The following MAN1A2 variants were observed in gnomAD, a reference collection of about 807,000 sequenced individuals.
The protein encoded by MAN1A2 is mannosyl-oligosaccharide 1,2-alpha-mannosidase IB.
In MAN1A2, 26 loss-of-function variants were observed where a neutral mutation model predicts 75.7. The observed-to-expected ratio is 0.34, with a 90% confidence interval of 0.25 to 0.48. MAN1A2 has a LOEUF of 0.48. Ranked by LOEUF, MAN1A2 falls within the 20% of genes least tolerant of loss-of-function variation. The pLI is 0.99. For synonymous variants in MAN1A2, 247 were observed against 264.6 expected (o/e 0.93, Z 0.65); for missense variants, 562 against 775.5 (o/e 0.72, Z 3.27).
Position 117,374,311 on chromosome 1 carries a change from CTGGTTTGGGCTGACTCCACATATTTCT to C in MAN1A2, c.302+5830_302+5856del, listed in dbSNP as rs1330230645. Among the ~76,000 whole-genome samples the C allele has an allele frequency of 5.9e-5, 9 of 152,268 alleles. 1 individual carries two copies. The highest frequency in any genetic ancestry group is 3.9e-4 in the Admixed American group (6 of 15,302). ...CTGCCTCTTTAAAAAAAATTAACTT[CTGGTTTGGGCTGACTCCACATATTTCT>C]TGGATAGGAAAATCATATTGCTACT... On this transcript the variant is annotated intron_variant, in intron 1 of 12. Transcript: ENST00000356554.
chr1:117,510,829 C>G (rs966665540), intron 12 of MAN1A2, among the ~76,000 whole-genome samples: 4 of 151,978 alleles, frequency 2.6e-5, no homozygotes, highest in Admixed American at 2.0e-4. Context: ...TCACTCTCCC[C>G]CTAACTTATA....
intron 6 of MAN1A2, among the ~76,000 whole-genome samples, chr1:117,454,884 A>G (rs1649531262): frequency 6.6e-6 from 1 of 152,102 alleles, no homozygotes; most frequent in Non-Finnish European, 1.5e-5. Flanking sequence ...CTACTGTGGG[A>G]AGGTTAATGG....
In MAN1A2 at chr1:117,523,813, G is replaced by T. The variant is rs1310479586; in HGVS notation, c.*856G>T. 1 of 151,714 alleles carries T rather than the reference G, an allele frequency of 6.6e-6. No homozygotes were observed. The highest frequency in any genetic ancestry group is 1.5e-5 in the Non-Finnish European group (1 of 67,798). 9.4% of individuals were successfully genotyped at this position (151,714 alleles called of 1,614,324 possible). On this transcript the variant is annotated 3_prime_UTR_variant, in exon 13 of 13. Transcript: ENST00000356554. Reference sequence around the variant, plus strand: ...AAACCTAAGAGCAATCCTTGGTTTTGTTGCTACATTATTTTTCCAGACCAA... The same window carrying T: ...AAACCTAAGAGCAATCCTTGGTTTTTTTGCTACATTATTTTTCCAGACCAA...
intron 5 of MAN1A2, among the ~76,000 whole-genome samples, chr1:117,440,809 A>G (rs906512848): frequency 1.1e-4 from 17 of 152,264 alleles, no homozygotes; most frequent in African/African-American, 1.9e-4. Context: ...AAGATATAGT[A>G]TTAATATTAG....
intron 3 of MAN1A2, 151 bp downstream of exon 3, chr1:117,405,796 C>A (rs1307248289): frequency 1.5e-6 from 1 of 654,418 alleles, no homozygotes; most frequent in East Asian, 2.8e-5. Context: ...GTGTCAGTCA[C>A]GATTAAGTTC....
At chr1:117,490,928 T>C (rs1650860380) in intron 8 of MAN1A2, among the ~76,000 whole-genome samples, 2 of 150,988 alleles carry the variant, frequency 1.3e-5, no homozygotes, top group African/African-American at 4.9e-5. Flanking sequence ...AGAGCAAGGC[T>C]CTAGCTCTCT....
At chr1:117,468,154 A>G (rs756999611) in intron 8 of MAN1A2, among the ~76,000 whole-genome samples, 22 of 152,170 alleles carry the variant, frequency 1.4e-4, no homozygotes, top group Non-Finnish European at 2.6e-4. Context: ...GAAAACTTAC[A>G]ATCATGGCAG....
intron 1 of MAN1A2, among the ~76,000 whole-genome samples, chr1:117,372,448 AT>A (rs1652993213): frequency 6.6e-6 from 1 of 152,256 alleles, no homozygotes; most frequent in Non-Finnish European, 1.5e-5. Context: ...TAATGCCCTA[AT>A]TTATAGATAA....
At chr1:117,388,427 G>A (rs188908165) in intron 1 of MAN1A2, among the ~76,000 whole-genome samples, 1 of 152,284 alleles carries the variant, frequency 6.6e-6, no homozygotes, top group East Asian at 1.9e-4. Flanking sequence ...AGGAAAAGAG[G>A]TTTAATTGGC....
At chr1:117,475,455 G>C (rs912284348) in intron 8 of MAN1A2, among the ~76,000 whole-genome samples, 1 of 151,658 alleles carries the variant, frequency 6.6e-6, no homozygotes, top group African/African-American at 2.4e-5. Flanking sequence ...ATGGTGGTTT[G>C]CTGCACCCAT....
chr1:117,445,884 GTA>G (rs59011673), intron 6 of MAN1A2, among the ~76,000 whole-genome samples: 2 of 138,768 alleles, frequency 1.4e-5, no homozygotes, highest in African/African-American at 5.1e-5. Context: ...CTGTGTGTGT[GTA>G]TATATATATA....
At chr1:117,489,511 TTTTCC>T (rs1048227900) in intron 8 of MAN1A2, among the ~76,000 whole-genome samples, 21 of 152,068 alleles carry the variant, frequency 1.4e-4, no homozygotes, top group African/African-American at 5.1e-4. Flanking sequence ...CCTATTTTAA[TTTTCC>T]TTATTTGTCA....
chr1:117,503,193 T>C (rs1651255041), intron 12 of MAN1A2, among the ~76,000 whole-genome samples: 1 of 151,606 alleles, frequency 6.6e-6, no homozygotes, highest in Admixed American at 6.6e-5. Flanking sequence ...TAAAATTTTT[T>C]GTTCTTTGCT....
intron 1 of MAN1A2, among the ~76,000 whole-genome samples, chr1:117,388,537 G>A (rs1057432507): frequency 6.6e-6 from 1 of 152,142 alleles, no homozygotes; most frequent in Admixed American, 6.5e-5. Flanking sequence ...AGGGCGGGGG[G>A]AGTGTAGGCA....
intron 8 of MAN1A2, among the ~76,000 whole-genome samples, chr1:117,467,386 A>G (rs1650013585): frequency 6.6e-6 from 1 of 152,150 alleles, no homozygotes; most frequent in African/African-American, 2.4e-5. Context: ...AGTACCAAGA[A>G]TAGGAAAACA....
intron 8 of MAN1A2, among the ~76,000 whole-genome samples, chr1:117,488,083 C>T (rs1257082779): frequency 2.6e-5 from 4 of 152,066 alleles, no homozygotes; most frequent in Non-Finnish European, 4.4e-5. Flanking sequence ...TTCTACTCCT[C>T]CAAGTGACTT....
rs576733732 is a variant in MAN1A2, at chr1:117,526,918, T to C, written c.*3961T>C. ...TATATATATATATATATGAGAGATA[T>C]ATGAGATATATGAGAGATCAAGATC... On this transcript the variant is annotated 3_prime_UTR_variant, in exon 13 of 13. Transcript: ENST00000356554. 1.5e-5 allele frequency: 2 copies of C among 136,056 alleles called. No homozygotes were observed. Among genetic ancestry groups the C allele is most frequent in the East Asian group, 4.1e-4 (2 of 4,866 alleles). 8.4% of individuals were successfully genotyped at this position (136,056 alleles called of 1,614,324 possible). A position where few individuals can be genotyped will look rare whatever the true frequency, so the allele number is the denominator to read the frequency against.
At position 117,526,880 on chromosome 1, in the gene MAN1A2, C is replaced by CTCTCTCTCTCTCTCTCTATA; in HGVS notation, c.*3924_*3925insCTCTCTCTCTCTCTCTATAT. ...TCTCTCTCTCTCTCTCTCTCTCTCTCTATATATATATATATATATATATAT... is the reference window on the plus strand; with the variant it reads ...TCTCTCTCTCTCTCTCTCTCTCTCTCTCTCTCTCTCTCTCTCTATATATATATATATATATATATATATAT... On this transcript the variant is annotated 3_prime_UTR_variant, in exon 13 of 13. Transcript: ENST00000356554. 1.1e-4 allele frequency: 6 copies of CTCTCTCTCTCTCTCTCTATA among 54,516 alleles called. No homozygotes were observed. Among genetic ancestry groups the CTCTCTCTCTCTCTCTCTATA allele is most frequent in the African/African-American group, 3.3e-4 (4 of 12,284 alleles). The allele number at this position is 54,516 out of a possible 1,614,324, so 3.4% of individuals were successfully genotyped here. A position where few individuals can be genotyped will look rare whatever the true frequency, so the allele number is the denominator to read the frequency against.
intron 5 of MAN1A2, among the ~76,000 whole-genome samples, chr1:117,423,520 T>A (rs1648262865): frequency 6.6e-6 from 1 of 152,208 alleles, no homozygotes; most frequent in African/African-American, 2.4e-5. Context: ...TTATTTATTT[T>A]TTTATTGGTG....
Sources: allele counts gnomAD v4.1 joint callset (sites outside exome capture counted in the v4.1 genomes callset), GRCh38; gene constraint gnomAD v4.1.1; transcripts MANE v1.5; gene names NCBI Gene and HGNC (gene_info 2026-07-23, HGNC 2026-07-21).